The following PDZD4 variants were observed in gnomAD, a reference collection of about 807,000 sequenced individuals.
The protein encoded by PDZD4 is PDZ domain containing 4.
A neutral mutation model predicts 38.5 loss-of-function variants in PDZD4; 9 were observed. The observed-to-expected ratio is 0.23, with a 90% confidence interval of 0.14 to 0.41. The LOEUF (loss-of-function observed/expected upper bound fraction) is 0.41. Ranked by LOEUF, PDZD4 falls within the 10% of genes least tolerant of loss-of-function variation. The pLI is 1.00. For synonymous variants in PDZD4, 349 were observed against 315.7 expected (o/e 1.11, Z -1.12); for missense variants, 612 against 722.0 (o/e 0.85, Z 1.75).
At chrX:153,817,003 G>C (rs1290032947) in intron 1 of PDZD4, among the ~76,000 whole-genome samples, 3 of 110,990 alleles carry the variant, frequency 2.7e-5, no homozygotes, top group Non-Finnish European at 5.7e-5. Flanking sequence ...AGACGCGTCA[G>C]CACCGGCCAG....
Position 153,803,187 on chromosome X carries a change from T to A in PDZD4, c.*166A>T. 1 of 336,122 alleles carries A rather than the reference T, an allele frequency of 3.0e-6. No individual in the cohort carries two copies. The highest frequency in any genetic ancestry group is 4.9e-6 in the Non-Finnish European group (1 of 204,563). 27.7% of individuals were successfully genotyped at this position (336,122 alleles called of 1,213,427 possible). On this transcript the variant is annotated 3_prime_UTR_variant, in exon 8 of 8. Transcript: ENST00000393758. ...AGCGTCCCTTCTCCTCAGGGGCTTCTCTCTGCTAACAAAGCCCTGTGCGCA... is the reference window on the plus strand; with the variant it reads ...AGCGTCCCTTCTCCTCAGGGGCTTCACTCTGCTAACAAAGCCCTGTGCGCA...
At position 153,805,211 on chromosome X, in the gene PDZD4, T is replaced by A. The variant is rs1037048813; in HGVS notation, c.670-4A>T. 1 of 1,196,124 alleles carries A rather than the reference T, an allele frequency of 8.4e-7. No individual in the cohort carries two copies. The highest frequency in any genetic ancestry group is 1.1e-6 in the Non-Finnish European group (1 of 882,790). On this transcript the variant is annotated splice_region_variant and splice_polypyrimidine_tract_variant and intron_variant, in intron 6 of 7. Transcript: ENST00000393758. The stretch of plus-strand genomic sequence containing the variant: ...TGTCCTTCCACCTTTTCGCCAGCTG[T>A]GGAGACAGGCCCTGGTGTCCCCACA...
chrX:153,830,220 G>C lies in PDZD4; in HGVS notation c.60+19C>G, dbSNP rs371993831. The C allele has an allele frequency of 7.6e-6, 9 of 1,188,370 alleles. No individual in the cohort carries two copies. The South Asian group carries it at 1.3e-4, about 17-fold the overall frequency. On this transcript the variant is annotated intron_variant, in intron 1 of 7. Transcript: ENST00000393758. ...CCCCGCGGAGGGCCGCGCCCCCGCC[G>C]CAGCGCCGGCGGCCCTACCTGCAGC...
chrX:153,815,003 G>A (rs192790697), intron 1 of PDZD4, among the ~76,000 whole-genome samples: 14 of 112,849 alleles, frequency 1.2e-4, no homozygotes, highest in Non-Finnish European at 2.3e-4. Context: ...TGAGGAGGCG[G>A]AGGAGCACAA....
chrX:153,805,053 C>T, intron 7 of PDZD4, 44 bp downstream of exon 7: 3 of 1,173,657 alleles, frequency 2.6e-6, no homozygotes, highest in South Asian at 3.6e-5. Flanking sequence ...CCACCCAGTT[C>T]TCTCCTCCTC....
At chrX:153,818,782 ACAT>A (rs2064388545) in intron 1 of PDZD4, among the ~76,000 whole-genome samples, 2 of 111,341 alleles carry the variant, frequency 1.8e-5, no homozygotes, top group Non-Finnish European at 3.8e-5. Context: ...GTTTTCAGGA[ACAT>A]CAGAGGGGCG....
At chrX:153,806,930 C>T in intron 3 of PDZD4, 90 bp from the exon 4 acceptor site, 1 of 784,612 alleles carries the variant, frequency 1.3e-6, no homozygotes, top group Non-Finnish European at 1.9e-6. Flanking sequence ...GCCCCTCAGC[C>T]CGCAACCCCT....
At chrX:153,807,979 C>G in intron 2 of PDZD4, 1 of 1,006,991 alleles carries the variant, frequency 9.9e-7, no homozygotes, top group South Asian at 2.0e-5. Flanking sequence ...GGAGGAAATT[C>G]AGAGCAGGTA....
chrX:153,820,804 C>T (rs971773175), intron 1 of PDZD4, among the ~76,000 whole-genome samples: 2 of 111,400 alleles, frequency 1.8e-5, no homozygotes, highest in South Asian at 3.8e-4. Context: ...CTGCATCTGG[C>T]GGCTGGCAGG....
chrX:153,806,631 AC>A (rs782463176), intron 4 of PDZD4, 110 bp downstream of exon 4: 41 of 665,660 alleles, frequency 6.2e-5, no homozygotes, highest in Admixed American at 3.5e-4. Context: ...ACCACGCAGC[AC>A]CCTAGCTGTG....
rs1011011234 is a variant in PDZD4, at chrX:153,802,215, G to A, written c.*1138C>T. ...GCTTTATTCTTGAGATGCAGGGGGG[G>A]AAGGGGTGGTGCAGTCTGTCTGCCT... On this transcript the variant is annotated 3_prime_UTR_variant, in exon 8 of 8. Transcript: ENST00000393758. The A allele has an allele frequency of 8.9e-6, 1 of 112,132 alleles. No homozygotes were observed. Among genetic ancestry groups the A allele is most frequent in the Non-Finnish European group, 1.9e-5 (1 of 53,160 alleles). 9.2% of individuals were successfully genotyped at this position (112,132 alleles called of 1,213,427 possible).
At chrX:153,818,649 C>G (rs1187843228) in intron 1 of PDZD4, among the ~76,000 whole-genome samples, 1 of 95,795 alleles carries the variant, frequency 1.0e-5, no homozygotes, top group Non-Finnish European at 2.1e-5. Context: ...GGTCGGAGCC[C>G]GGGAGGGGAG....
At chrX:153,828,438 C>T (rs1036467404) in intron 1 of PDZD4, among the ~76,000 whole-genome samples, 4 of 113,122 alleles carry the variant, frequency 3.5e-5, no homozygotes, top group East Asian at 5.6e-4. Flanking sequence ...ACAGAGGGCG[C>T]ATGCGGCAGT....
intron 1 of PDZD4, among the ~76,000 whole-genome samples, chrX:153,819,052 G>C (rs922133146): frequency 8.9e-6 from 1 of 112,670 alleles, no homozygotes; most frequent in African/African-American, 3.2e-5. Flanking sequence ...AGAGGGCGGA[G>C]CCCCAGGCGC....
At chrX:153,817,832 G>C (rs1227374470) in intron 1 of PDZD4, among the ~76,000 whole-genome samples, 1 of 112,224 alleles carries the variant, frequency 8.9e-6, no homozygotes, top group African/African-American at 3.2e-5. Flanking sequence ...TGAACTTCCC[G>C]AGGCATGTGG....
chrX:153,822,027 T>C (rs1424622377), intron 1 of PDZD4, among the ~76,000 whole-genome samples: 1 of 109,507 alleles, frequency 9.1e-6, no homozygotes, highest in Non-Finnish European at 1.9e-5. Flanking sequence ...CTGTCTTTAC[T>C]AAAAATACAA....
chrX:153,807,965 A>G (rs2064270468), intron 2 of PDZD4: 2 of 997,244 alleles, frequency 2.0e-6, no homozygotes, highest in African/African-American at 1.9e-5. Flanking sequence ...GAAGCTGAAG[A>G]GATGGAGGAA....
At chrX:153,823,920 G>T (rs782147457) in intron 1 of PDZD4, among the ~76,000 whole-genome samples, 4 of 112,486 alleles carry the variant, frequency 3.6e-5, no homozygotes, top group Non-Finnish European at 7.5e-5. Context: ...CAGGGCCCCT[G>T]AAGTAGAAGG....
intron 4 of PDZD4, among the ~76,000 whole-genome samples, chrX:153,806,492 G>C (rs782158178): frequency 3.5e-5 from 4 of 112,867 alleles, no homozygotes; most frequent in Non-Finnish European, 7.5e-5. Flanking sequence ...GATGGGTTCG[G>C]GAGAAGGCTA....
Sources: allele counts gnomAD v4.1 joint callset (sites outside exome capture counted in the v4.1 genomes callset), GRCh38; gene constraint gnomAD v4.1.1; transcripts MANE v1.5; gene names NCBI Gene and HGNC (gene_info 2026-07-23, HGNC 2026-07-21).